Variants in LYRM4 observed in about 807,000 individuals in gnomAD.
The protein encoded by LYRM4 is LYR motif containing 4.
Under a neutral mutation model 11.7 loss-of-function variants are expected in LYRM4, and 9 were observed. The ratio of observed to expected loss-of-function variants is 0.77; its 90% CI spans 0.46 to 1.34. The LOEUF (loss-of-function observed/expected upper bound fraction) is 1.34, where lower values mean the gene tolerates loss of function less well. Among genes scored for constraint, LYRM4 ranks in the 40% most tolerant of loss-of-function variants. The pLI, the probability that LYRM4 is intolerant of heterozygous loss-of-function variation, is 0.00. For missense variants in LYRM4, 133 were observed against 112.5 expected, an observed-to-expected ratio of 1.18 and a Z score of -0.82; for synonymous variants, 42 against 40.4, an observed-to-expected ratio of 1.04 and a Z score of -0.15.
chr6:5,198,025 A>C (rs115291754), intron 2 of LYRM4, among the ~76,000 whole-genome samples: 2,703 of 152,038 alleles, frequency 0.018, 75 homozygotes, highest in African/African-American at 0.062. Flanking sequence ...CAAAACAAAA[A>C]CAAAAACAAA....
chr6:5,054,996 A>T, the LYRM4 span, among the ~76,000 whole-genome samples: 2 of 152,176 alleles, frequency 1.3e-5, no homozygotes, highest in Non-Finnish European at 2.9e-5. Flanking sequence ...GGAGAGTCTG[A>T]CACCTTTTAG....
the LYRM4 span, chr6:5,085,512 T>C: frequency 6.5e-7 from 1 of 1,537,206 alleles, no homozygotes; most frequent in Non-Finnish European, 8.7e-7. Context: ...CGCGGCTAAG[T>C]TTGGAGGCGC....
chr6:5,066,926 GC>G, the LYRM4 span: 10 of 1,115,054 alleles, frequency 9.0e-6, no homozygotes, highest in East Asian at 2.6e-5. Context: ...AGCGACCAGC[GC>G]CCCCCAAGGC....
At chr6:5,072,882 T>C in the LYRM4 span, among the ~76,000 whole-genome samples, 1 of 152,070 alleles carries the variant, frequency 6.6e-6, no homozygotes, top group Non-Finnish European at 1.5e-5. Flanking sequence ...CCAGTAAAAA[T>C]TAGATGTAAG....
At chr6:5,230,820 G>A (rs2127742018) in intron 1 of LYRM4, among the ~76,000 whole-genome samples, 1 of 152,270 alleles carries the variant, frequency 6.6e-6, no homozygotes. Context: ...AGGAAGGAAG[G>A]AGAAAAGGGG....
chr6:5,151,920 A>G (rs370537217), intron 2 of LYRM4, among the ~76,000 whole-genome samples: 1 of 152,098 alleles, frequency 6.6e-6, no homozygotes, highest in South Asian at 2.1e-4. Flanking sequence ...TTTCTGGGAG[A>G]ATCCTGTGTG....
At chr6:5,099,529 A>G (rs995798489), downstream of LYRM4, among the ~76,000 whole-genome samples, 1 of 152,180 alleles carries the variant, frequency 6.6e-6, no homozygotes, top group East Asian at 1.9e-4. The surrounding 1 kb of genome is among the most constrained non-coding windows in gnomAD (Gnocchi z 4.3). Context: ...CTGGGATAGA[A>G]CCAATTTTGA....
Position 5,260,950 on chromosome 6 carries a change from C to T in LYRM4, c.-217G>A, listed in dbSNP as rs973320333. On this transcript the variant is annotated 5_prime_UTR_variant, in exon 1 of 3. Coordinates refer to ENST00000330636, the MANE Select transcript of LYRM4 (RefSeq NM_020408.6). ...TTCGGGGGCGGGCGCAGGCAGGGCT[C>T]GGGGCAGCTAAGGGGGCGGTGCTGG... 1 of 1,325,944 alleles carries T rather than the reference C, an allele frequency of 7.5e-7. No individual in the cohort carries two copies. The highest frequency in any genetic ancestry group is 1.6e-5 in the African/African-American group (1 of 63,498). The allele number at this position is 1,325,944 out of a possible 1,614,324, so 82.1% of individuals were successfully genotyped here.
chr6:5,232,220 T>C (rs1291014710), intron 1 of LYRM4, among the ~76,000 whole-genome samples: 3 of 152,204 alleles, frequency 2.0e-5, no homozygotes, highest in African/African-American at 7.2e-5. Flanking sequence ...CCTGTGGGAT[T>C]ATCACATCTC....
At chr6:5,139,624 A>G (rs1299210356) in intron 2 of LYRM4, among the ~76,000 whole-genome samples, 5 of 152,208 alleles carry the variant, frequency 3.3e-5, no homozygotes, top group Admixed American at 6.5e-5. Flanking sequence ...GGATGTGTAC[A>G]CAGACTATAA....
intron 2 of LYRM4, among the ~76,000 whole-genome samples, chr6:5,184,222 TG>T (rs1356075841): frequency 1.3e-5 from 2 of 152,232 alleles, no homozygotes; most frequent in Non-Finnish European, 2.9e-5. Context: ...ATGTCCACTT[TG>T]TAGGTATTCA....
At chr6:5,203,515 T>C (rs1177125289) in intron 2 of LYRM4, among the ~76,000 whole-genome samples, 2 of 152,228 alleles carry the variant, frequency 1.3e-5, no homozygotes, top group African/African-American at 4.8e-5. Context: ...TTTCACTTCC[T>C]TGCCTAGCAG....
At chr6:5,048,032 A>C in the LYRM4 span, among the ~76,000 whole-genome samples, 1 of 152,210 alleles carries the variant, frequency 6.6e-6, no homozygotes, top group Non-Finnish European at 1.5e-5. Context: ...TGTTCATTAA[A>C]TTCTGGGTCA....
At chr6:5,085,754 AC>A in the LYRM4 span, 1 of 1,537,178 alleles carries the variant, frequency 6.5e-7, no homozygotes, top group Non-Finnish European at 8.8e-7. Context: ...TTGCCCGCCG[AC>A]CCCATCTTGC....
At chr6:5,153,293 G>C (rs1758200149) in intron 2 of LYRM4, among the ~76,000 whole-genome samples, 1 of 152,104 alleles carries the variant, frequency 6.6e-6, no homozygotes, top group Admixed American at 6.6e-5. Context: ...GTTTTGCCAT[G>C]GTGGCCAGGT....
chr6:5,085,275 C>G, the LYRM4 span: 2 of 500,928 alleles, frequency 4.0e-6, no homozygotes, highest in South Asian at 3.3e-5. Context: ...GCCCCAGGCC[C>G]GCATCCTCCT....
At chr6:5,156,824 A>C (rs2127647917) in intron 2 of LYRM4, among the ~76,000 whole-genome samples, 1 of 152,320 alleles carries the variant, frequency 6.6e-6, no homozygotes, top group East Asian at 1.9e-4. Flanking sequence ...ACTGCAAGGC[A>C]ATCCTGACTT....
chr6:5,169,103 C>T (rs1759266656), intron 2 of LYRM4, among the ~76,000 whole-genome samples: 1 of 151,362 alleles, frequency 6.6e-6, no homozygotes, highest in Non-Finnish European at 1.5e-5. Context: ...TCATTTTTAA[C>T]TTTTTTTTTG....
intron 2 of LYRM4, among the ~76,000 whole-genome samples, chr6:5,207,427 A>T (rs1171615012): frequency 6.6e-6 from 1 of 152,208 alleles, no homozygotes; most frequent in Non-Finnish European, 1.5e-5. Context: ...AGAGGGTGCA[A>T]CACAGAAATA....
Sources: gnomAD v4.1 joint callset for allele counts (sites outside exome capture counted in the v4.1 genomes callset) on GRCh38, gnomAD v4.1.1 for gene constraint, Gnocchi (gnomAD v3.1) non-coding constraint, MANE v1.5 for transcripts, NCBI Gene and HGNC (gene_info 2026-07-23, HGNC 2026-07-21) for gene names.